CFAP74: variants seen among roughly 807,000 people sequenced by gnomAD.
CFAP74 encodes the protein cilia- and flagella-associated protein 74.
Under a neutral mutation model 188.9 loss-of-function variants are expected in CFAP74, and 124 were observed. That is an observed-to-expected ratio of 0.66 (90% CI 0.57 to 0.76). The LOEUF (loss-of-function observed/expected upper bound fraction) is 0.76. Ranked by LOEUF, CFAP74 falls within the 30% of genes least tolerant of loss-of-function variation. The pLI, the probability that CFAP74 is intolerant of heterozygous loss-of-function variation, is 0.00. For missense variants in CFAP74, 2,198 were observed against 2,165.2 expected (o/e 1.02, Z -0.30); for synonymous variants, 956 against 916.7 (o/e 1.04, Z -0.77).
chr1:1,949,125 T>TTCCCTCCC (rs147210610), intron 18 of CFAP74, among the ~76,000 whole-genome samples: 3 of 64,710 alleles, frequency 4.6e-5, no homozygotes, highest in Non-Finnish European at 6.4e-5. Context: ...CTTTCTTCCC[T>TTCCCTCCC]TCCCTCCCTC....
rs138842291 is a variant in CFAP74, at chr1:1,977,167, C to T, written c.501-2969G>A. ...CCAGCCACCTCTTTTCTTTATATGA[C>T]CCAGTGTCAGGCATTTCTTTATAGT... On this transcript the variant is annotated intron_variant, in intron 6 of 38. Transcript: ENST00000682832. 6.4e-3 allele frequency among the ~76,000 whole-genome samples: 981 copies of T among 152,232 alleles called. 7 individuals carry two copies. Among genetic ancestry groups the T allele is most frequent in the Middle Eastern group, 0.027 (8 of 294 alleles).
intron 18 of CFAP74, among the ~76,000 whole-genome samples, chr1:1,948,249 G>A (rs935980459): frequency 3.9e-5 from 6 of 152,036 alleles, no homozygotes; most frequent in Admixed American, 6.6e-5. Context: ...GGACCTGAGC[G>A]CAGGTGGTCA....
chr1:1,938,063 TACAC>T (rs1395592617), intron 25 of CFAP74, among the ~76,000 whole-genome samples: 1 of 142,022 alleles, frequency 7.0e-6, no homozygotes, highest in Non-Finnish European at 1.5e-5. Context: ...CACTCAACCT[TACAC>T]ACCCAACACA....
At chr1:1,944,537 G>A (rs1653618745) in intron 20 of CFAP74, 85 bp from the exon 21 acceptor site, 3 of 1,416,960 alleles carry the variant, frequency 2.1e-6, no homozygotes, top group Non-Finnish European at 1.9e-6. Context: ...GCTCCCAGGA[G>A]GAACGTTTCA....
chr1:1,930,324 C>T lies in CFAP74; in HGVS notation c.3024G>A (p.Leu1008=). ...CKSEINRCFK[L]SCRAVGVHPP... ...GGTGGACGCCTACAGCCCGGCAAGA[C>T]AGCTTGAAGCACCTGCAAGCAGCAG... Residue 1008 remains leucine (L), a synonymous_variant, in exon 26 of 39, where the codon CTG becomes CTA. Transcript: ENST00000682832. 6.6e-7 allele frequency: 1 copy of T among 1,522,220 alleles called. No individual in the cohort carries two copies. The highest frequency in any genetic ancestry group is 8.8e-7 in the Non-Finnish European group (1 of 1,136,286). 94.3% of individuals were successfully genotyped at this position (1,522,220 alleles called of 1,614,324 possible).
chr1:1,991,121 T>G, intron 1 of CFAP74, 146 bp from the exon 2 acceptor site: 1 of 594,226 alleles, frequency 1.7e-6, no homozygotes, highest in Non-Finnish European at 3.0e-6. Context: ...CTGACACAAG[T>G]CTTACATCTG....
At chr1:1,981,447 A>ATG (rs1656841684) in intron 6 of CFAP74, among the ~76,000 whole-genome samples, 2 of 140,240 alleles carry the variant, frequency 1.4e-5, no homozygotes, top group Non-Finnish European at 1.6e-5. Context: ...GCGGACAGAC[A>ATG]CGGGGGCACG....
At chr1:1,960,951 GA>G (rs1322984066) in intron 14 of CFAP74, among the ~76,000 whole-genome samples, 1 of 152,190 alleles carries the variant, frequency 6.6e-6, no homozygotes, top group African/African-American at 2.4e-5. Context: ...CAGAAATAGA[GA>G]ATTCCAGACG....
At chr1:1,939,087 CGT>C in intron 24 of CFAP74, 99 bp from the exon 25 acceptor site, 1 of 1,248,150 alleles carries the variant, frequency 8.0e-7, no homozygotes, top group African/African-American at 1.5e-5. Context: ...TGAGTGTGAT[CGT>C]GTGTGAGCGA....
intron 18 of CFAP74, among the ~76,000 whole-genome samples, chr1:1,948,016 G>C (rs1403702545): frequency 6.6e-6 from 1 of 152,126 alleles, no homozygotes; most frequent in African/African-American, 2.4e-5. Context: ...GGGATTACAC[G>C]CACCTGCCAT....
chr1:1,922,680 T>G lies in CFAP74; in HGVS notation c.4727A>C (p.Lys1576Thr). Residue 1576 changes from lysine to threonine, a missense_variant, in exon 38 of 39, where the codon AAG becomes ACG. Lys to Thr is a moderately conservative substitution (Grantham distance 78). Transcript: ENST00000682832. ...CCTGGAGGGCTCAATAGAGAAACCCTTGTGCTGCAGGGATGCGACGCTGTC... is the reference window on the plus strand; with the variant it reads ...CCTGGAGGGCTCAATAGAGAAACCCGTGTGCTGCAGGGATGCGACGCTGTC... The part of the protein sequence containing the change: ...SIDSVASLQH[K>T]GFSIEPSRGS... The G allele has an allele frequency of 4.4e-6, 7 of 1,599,990 alleles. No homozygotes were observed. The highest frequency in any genetic ancestry group is 6.0e-6 in the Non-Finnish European group (7 of 1,172,072).
At chr1:1,943,562 G>A (rs1570874122) in intron 21 of CFAP74, among the ~76,000 whole-genome samples, 1 of 152,230 alleles carries the variant, frequency 6.6e-6, no homozygotes, top group South Asian at 2.1e-4. Context: ...GTCCCTCTGC[G>A]CTTTCCCACC....
Position 1,924,356 on chromosome 1 carries a change from C to A in CFAP74, c.4234+35G>T. ...ACTCCCCCAGCTCACCGCCCACCCC[C>A]GCAGCTCACCACCCACCCCCCACCC... On this transcript the variant is annotated intron_variant, in intron 34 of 38. Coordinates refer to ENST00000682832, the MANE Select transcript of CFAP74 (RefSeq NM_001304360.2). The A allele has an allele frequency of 3.3e-6, 2 of 610,614 alleles. 1 individual carries two copies. The highest frequency in any genetic ancestry group is 4.7e-6 in the Non-Finnish European group (2 of 425,024). 37.8% of individuals were successfully genotyped at this position (610,614 alleles called of 1,614,324 possible).
Position 1,929,530 on chromosome 1 carries a change from T to G in CFAP74, c.3288+530A>C, listed in dbSNP as rs568897488. Among the ~76,000 whole-genome samples the G allele has an allele frequency of 2.9e-4, 43 of 150,352 alleles. 1 individual carries two copies. Among genetic ancestry groups the G allele is most frequent in the African/African-American group, 8.8e-4 (36 of 40,792 alleles). The stretch of plus-strand genomic sequence containing the variant: ...TCGCTAAGTTGAATGAAATCCATTT[T>G]GAATCACTGCATTCATTGAAATCCC... On this transcript the variant is annotated intron_variant, in intron 26 of 38. Transcript: ENST00000682832.
Position 1,930,140 on chromosome 1 carries a change from GC to G in CFAP74, c.3207del (p.Thr1071ArgfsTer42). 6.5e-7 allele frequency: 1 copy of G among 1,535,590 alleles called. No homozygotes were observed. The highest frequency in any genetic ancestry group is 8.7e-7 in the Non-Finnish European group (1 of 1,146,664). On this transcript the variant is annotated frameshift_variant, in exon 26 of 39. Transcript: ENST00000682832. LOFTEE classifies it high-confidence loss of function. ...RIGSEDASPM[G>X]PTSFEFLLPP... ...GGCAGCAGGAACTCGAAAGACGTGG[GC>G]CCCATGGGAGAGGCGTCCTCTGAGC...
rs1245580647 is a variant in CFAP74 at position 1,972,011 on chromosome 1, AC to A, written c.856del (p.Val286TrpfsTer3). On this transcript the variant is annotated frameshift_variant, in exon 9 of 39. Transcript: ENST00000682832. LOFTEE classifies it high-confidence loss of function. ...EYMRRRMDAV[V>X]ALKGSISANR... ...CGCGGAGATGCTGCCCTTCAGCGCCACCACCGCATCCATGCGTCGCCTCATG... is the reference window on the plus strand; with the variant it reads ...CGCGGAGATGCTGCCCTTCAGCGCCACACCGCATCCATGCGTCGCCTCATG... 27 of 1,612,252 alleles carry A rather than the reference AC, an allele frequency of 1.7e-5. No homozygotes were observed. The highest frequency in any genetic ancestry group is 2.2e-5 in the Non-Finnish European group (26 of 1,179,974).
At chr1:1,924,645 A>C (rs1651711590) in intron 33 of CFAP74, 125 bp from the exon 34 acceptor site, 2 of 1,036,116 alleles carry the variant, frequency 1.9e-6, no homozygotes, top group East Asian at 2.9e-5. Flanking sequence ...GGGTGGCCTG[A>C]TGACGCCAGC....
intron 10 of CFAP74, among the ~76,000 whole-genome samples, chr1:1,969,465 G>GCCCTGCCCAT (rs1428517596): frequency 1.7e-5 from 2 of 120,954 alleles, no homozygotes; most frequent in Non-Finnish European, 3.4e-5. Flanking sequence ...GCCCTGCCCA[G>GCCCTGCCCAT]CCCAGCCCTG....
intron 12 of CFAP74, 63 bp from the exon 13 acceptor site, chr1:1,965,124 A>G: frequency 6.6e-7 from 1 of 1,507,816 alleles, no homozygotes; most frequent in African/African-American, 1.4e-5. Context: ...CGCCGGTGGC[A>G]GCTCGGAGGC....
Sources: allele counts gnomAD v4.1 joint callset (sites outside exome capture counted in the v4.1 genomes callset), GRCh38; gene constraint gnomAD v4.1.1; transcripts MANE v1.5; gene names NCBI Gene and HGNC (gene_info 2026-07-23, HGNC 2026-07-21).